The following ZNRF1 variants were observed in gnomAD, a reference collection of about 807,000 sequenced individuals.
ZNRF1 encodes E3 ubiquitin-protein ligase ZNRF1.
A neutral mutation model predicts 18.4 loss-of-function variants in ZNRF1; 3 were observed. The observed-to-expected ratio is 0.16, with a 90% confidence interval of 0.07 to 0.42. The LOEUF is 0.42. ZNRF1 is among the 10% of genes least tolerant of loss of function. The pLI, the probability that ZNRF1 is intolerant of heterozygous loss-of-function variation, is 0.99. For missense variants in ZNRF1, 310 were observed against 329.8 expected, an observed-to-expected ratio of 0.94 and a Z score of 0.47; for synonymous variants, 157 against 144.2, an observed-to-expected ratio of 1.09 and a Z score of -0.64.
chr16:75,077,682 G>T (rs186990467), intron 1 of ZNRF1, among the ~76,000 whole-genome samples: 1 of 152,290 alleles, frequency 6.6e-6, no homozygotes, highest in East Asian at 1.9e-4. Context: ...TGAGAAATCT[G>T]CATTGGTCTC....
At chr16:75,019,550 T>C (rs1252351873) in intron 1 of ZNRF1, among the ~76,000 whole-genome samples, 1 of 152,190 alleles carries the variant, frequency 6.6e-6, no homozygotes, top group East Asian at 1.9e-4. Flanking sequence ...AAATATTTCA[T>C]TTGTACTTTA....
chr16:75,013,496 G>A (rs2035026916), intron 1 of ZNRF1, among the ~76,000 whole-genome samples: 1 of 151,708 alleles, frequency 6.6e-6, no homozygotes, highest in Non-Finnish European at 1.5e-5. Flanking sequence ...GCAGGTGCAT[G>A]CCACCATGCC....
intron 1 of ZNRF1, among the ~76,000 whole-genome samples, chr16:75,066,934 C>T (rs945959315): frequency 1.3e-5 from 2 of 148,902 alleles, no homozygotes; most frequent in Non-Finnish European, 2.9e-5. Context: ...CATTATCTCT[C>T]ACAGTTTTTG....
intron 1 of ZNRF1, among the ~76,000 whole-genome samples, chr16:75,019,633 A>T (rs1377160044): frequency 1.3e-5 from 2 of 152,170 alleles, no homozygotes; most frequent in East Asian, 3.8e-4. Flanking sequence ...GTGAAGTTTT[A>T]TTCTGTATGT....
At chr16:75,002,816 G>A (rs1002345453) in intron 1 of ZNRF1, among the ~76,000 whole-genome samples, 1 of 152,184 alleles carries the variant, frequency 6.6e-6, no homozygotes, top group Non-Finnish European at 1.5e-5. Context: ...TGACCCCCAC[G>A]TATACCATTC....
intron 1 of ZNRF1, among the ~76,000 whole-genome samples, chr16:75,024,402 C>T (rs1040462052): frequency 5.3e-5 from 8 of 152,004 alleles, no homozygotes; most frequent in Non-Finnish European, 1.0e-4. Flanking sequence ...ACCTATGATA[C>T]GGAGTTAGGT....
At chr16:75,059,196 T>C (rs967150921) in intron 1 of ZNRF1, among the ~76,000 whole-genome samples, 3 of 149,522 alleles carry the variant, frequency 2.0e-5, no homozygotes, top group African/African-American at 4.9e-5. Context: ...TTTTCTTTTC[T>C]TTTCCTTTCC....
At chr16:75,097,350 C>CT (rs1295890518) in intron 2 of ZNRF1, among the ~76,000 whole-genome samples, 1 of 152,036 alleles carries the variant, frequency 6.6e-6, no homozygotes, top group Non-Finnish European at 1.5e-5. Flanking sequence ...CAGGGAGAAT[C>CT]TGGGGGGCGG....
chr16:75,093,226 A>G (rs890569455), intron 1 of ZNRF1, among the ~76,000 whole-genome samples: 3 of 152,072 alleles, frequency 2.0e-5, no homozygotes, highest in Non-Finnish European at 2.9e-5. Flanking sequence ...CTCTACTAAA[A>G]ATACAAAAAT....
At chr16:75,080,261 A>T (rs1469338551) in intron 1 of ZNRF1, among the ~76,000 whole-genome samples, 1 of 152,226 alleles carries the variant, frequency 6.6e-6, no homozygotes, top group East Asian at 1.9e-4. Context: ...CACATTCTGC[A>T]TCCCAGGATT....
At chr16:75,046,567 A>T (rs2035518174) in intron 1 of ZNRF1, among the ~76,000 whole-genome samples, 1 of 150,586 alleles carries the variant, frequency 6.6e-6, no homozygotes, top group Admixed American at 6.6e-5. Flanking sequence ...TTCTATTATT[A>T]TTTTTTATTT....
intron 1 of ZNRF1, among the ~76,000 whole-genome samples, chr16:75,044,806 A>G (rs1025799674): frequency 6.6e-6 from 1 of 152,256 alleles, no homozygotes; most frequent in Non-Finnish European, 1.5e-5. Flanking sequence ...CAAATGAACC[A>G]TGAATGGAAT....
In ZNRF1 at chr16:74,999,417, C is replaced by A. The variant is rs1379020866; in HGVS notation, c.-255C>A. 1.2e-5 allele frequency: 4 copies of A among 341,932 alleles called. No individual in the cohort carries two copies. The highest frequency in any genetic ancestry group is 6.4e-5 in the African/African-American group (3 of 47,094). 21.2% of individuals were successfully genotyped at this position (341,932 alleles called of 1,614,324 possible). A position where few individuals can be genotyped will look rare whatever the true frequency, so the allele number is the denominator to read the frequency against. On this transcript the variant is annotated 5_prime_UTR_variant, in exon 1 of 5. Coordinates refer to ENST00000335325, the MANE Select transcript of ZNRF1 (RefSeq NM_032268.5). ...GCGGAGCCCGCGCCGGACTGCGCCT[C>A]TTTGGACCTTGAGGGGAAACATGCG...
intron 1 of ZNRF1, among the ~76,000 whole-genome samples, chr16:75,037,605 T>C (rs368028856): frequency 2.0e-5 from 3 of 152,292 alleles, no homozygotes; most frequent in African/African-American, 7.2e-5. Context: ...CCCAAAGTGC[T>C]GCGATTACAG....
intron 1 of ZNRF1, among the ~76,000 whole-genome samples, chr16:75,069,838 G>A (rs2035849375): frequency 6.6e-6 from 1 of 152,116 alleles, no homozygotes; most frequent in African/African-American, 2.4e-5. Context: ...CACATTCCTA[G>A]AACTTGGTAT....
intron 2 of ZNRF1, among the ~76,000 whole-genome samples, chr16:75,102,127 G>T (rs1419400001): frequency 6.6e-6 from 1 of 152,162 alleles, no homozygotes; most frequent in Non-Finnish European, 1.5e-5. Flanking sequence ...TTTCCTTGGG[G>T]TTCCTGGTGG....
chr16:75,041,013 ACAGT>A (rs2035441229), intron 1 of ZNRF1, among the ~76,000 whole-genome samples: 1 of 152,156 alleles, frequency 6.6e-6, no homozygotes, highest in Non-Finnish European at 1.5e-5. Flanking sequence ...TGAATTTACC[ACAGT>A]CAGTCTATCC....
intron 1 of ZNRF1, among the ~76,000 whole-genome samples, chr16:75,016,313 A>G (rs977184017): frequency 2.0e-5 from 3 of 150,984 alleles, no homozygotes; most frequent in Non-Finnish European, 2.9e-5. Flanking sequence ...ATCTCGGCTC[A>G]CTGCAACCTC....
chr16:75,033,262 C>T (rs890193481), intron 1 of ZNRF1, among the ~76,000 whole-genome samples: 1 of 81,518 alleles, frequency 1.2e-5, no homozygotes, highest in South Asian at 3.7e-4. Flanking sequence ...TTTATTTCTA[C>T]AAAAAAAAAA....
Sources: allele counts gnomAD v4.1 joint callset (sites outside exome capture counted in the v4.1 genomes callset), GRCh38; gene constraint gnomAD v4.1.1; transcripts MANE v1.5; gene names NCBI Gene and HGNC (gene_info 2026-07-23, HGNC 2026-07-21).